Variants in RNF180 observed in about 807,000 individuals in gnomAD.
RNF180 encodes E3 ubiquitin-protein ligase RNF180.
In RNF180, 38 loss-of-function variants were observed where a neutral mutation model predicts 59.2. That is an observed-to-expected ratio of 0.64 (90% CI 0.50 to 0.84). The LOEUF (loss-of-function observed/expected upper bound fraction) is 0.84. Among genes scored for constraint, RNF180 ranks in the 40% least tolerant of loss-of-function variants. The pLI is 0.00. For missense variants in RNF180, 705 were observed against 700.9 expected (o/e 1.01, Z -0.07); for synonymous variants, 262 against 240.3 (o/e 1.09, Z -0.84).
intron 3 of RNF180, among the ~76,000 whole-genome samples, chr5:64,213,034 A>G (rs1389021652): frequency 2.6e-5 from 4 of 152,200 alleles, no homozygotes; most frequent in African/African-American, 9.6e-5. Context: ...TTAATTTCCA[A>G]TCTAAGCATA....
At chr5:64,290,739 C>T (rs1474173907) in intron 5 of RNF180, among the ~76,000 whole-genome samples, 1 of 152,152 alleles carries the variant, frequency 6.6e-6, no homozygotes, top group African/African-American at 2.4e-5. Flanking sequence ...AAAATTTCCT[C>T]CATCCCTTTA....
chr5:64,338,952 CTTAT>C lies in RNF180; in HGVS notation c.1579+8551_1579+8554del, dbSNP rs1210307668. On this transcript the variant is annotated intron_variant, in intron 7 of 7. Transcript: ENST00000389100. ...GCTAATATTTTGTCTCAGAATTTTA[CTTAT>C]TTATGAGTAAAATTGTATTTATTTT... 6.6e-5 allele frequency among the ~76,000 whole-genome samples: 10 copies of C among 152,162 alleles called. No homozygotes were observed. The East Asian group carries it at 1.2e-3, about 18-fold the overall frequency.
At chr5:64,365,173 G>A (rs541091946) in intron 7 of RNF180, among the ~76,000 whole-genome samples, 2 of 151,268 alleles carry the variant, frequency 1.3e-5, no homozygotes, top group Admixed American at 1.3e-4. Flanking sequence ...CTAACTTTTT[G>A]ATGTGGGTGT....
chr5:64,322,478 AAAAAGTCAAGAAAC>A (rs1479208345), intron 5 of RNF180, among the ~76,000 whole-genome samples: 1 of 152,126 alleles, frequency 6.6e-6, no homozygotes, highest in African/African-American at 2.4e-5. Context: ...GGCGATTATT[AAAAAGTCAAGAAAC>A]AATAGATGCT....
At position 64,370,947 on chromosome 5, in the gene RNF180, A is replaced by T. The variant is rs995072708; in HGVS notation, c.*1133A>T. 2 of 151,730 alleles carry T rather than the reference A, an allele frequency of 1.3e-5. No homozygotes were observed. Among genetic ancestry groups the T allele is most frequent in the Non-Finnish European group, 3.0e-5 (2 of 67,768 alleles). 9.4% of individuals were successfully genotyped at this position (151,730 alleles called of 1,614,324 possible). On this transcript the variant is annotated 3_prime_UTR_variant, in exon 8 of 8. Transcript: ENST00000389100. ...GGTAATTCAATAAGCAAACTTTTAC[A>T]TAAAATAGGTGACTCTCTCGTGGCA...
chr5:64,299,937 G>C (rs977255580), intron 5 of RNF180, among the ~76,000 whole-genome samples: 5 of 151,724 alleles, frequency 3.3e-5, no homozygotes, highest in African/African-American at 1.2e-4. Flanking sequence ...TCCTGCCCAG[G>C]ATGTGAATAA....
chr5:64,212,152 A>C lies in RNF180; in HGVS notation c.223A>C (p.Ile75Leu), dbSNP rs1752346283. ...CCTTCCAGAATGGATAAGCTGCCTA[A>C]TCCAAAAAGTAAGTTCTTAGTTTCT... ...EALPEWISCL[I>L]QKAQWTVGKL... is the part of the protein sequence containing the mutation. Residue 75 changes from isoleucine to leucine, a missense_variant, in exon 3 of 8, where the codon ATC (isoleucine) becomes CTC (leucine). Ile to Leu is a conservative substitution (Grantham distance 5). Coordinates refer to ENST00000389100, the MANE Select transcript of RNF180 (RefSeq NM_001113561.2). 2.6e-6 allele frequency: 4 copies of C among 1,564,118 alleles called. No individual in the cohort carries two copies. The highest frequency in any genetic ancestry group is 3.5e-6 in the Non-Finnish European group (4 of 1,134,882).
chr5:64,215,762 TTAATG>T (rs772507910), intron 4 of RNF180, among the ~76,000 whole-genome samples: 3 of 152,214 alleles, frequency 2.0e-5, no homozygotes, highest in South Asian at 2.1e-4. Flanking sequence ...TTCAAAATGA[TTAATG>T]TAATGTGGAG....
chr5:64,335,823 G>A (rs922894029), intron 7 of RNF180, among the ~76,000 whole-genome samples: 2 of 152,184 alleles, frequency 1.3e-5, no homozygotes. Context: ...CTTGGGAAAT[G>A]GGGTCCTATT....
intron 5 of RNF180, among the ~76,000 whole-genome samples, chr5:64,274,815 C>T (rs995130832): frequency 6.6e-6 from 1 of 151,990 alleles, no homozygotes. Flanking sequence ...ATTTTGACTC[C>T]TATATCTCTC....
At chr5:64,303,705 G>A (rs181359538) in intron 5 of RNF180, among the ~76,000 whole-genome samples, 154 of 151,744 alleles carry the variant, frequency 1.0e-3, no homozygotes, top group Admixed American at 1.6e-3. Context: ...TTTAAGGAAA[G>A]AAGCTGTCTC....
chr5:64,336,143 C>T (rs1745116233), intron 7 of RNF180, among the ~76,000 whole-genome samples: 2 of 152,150 alleles, frequency 1.3e-5, no homozygotes, highest in South Asian at 4.1e-4. Flanking sequence ...CTTCTTTCTA[C>T]TTCACTCTCA....
At chr5:64,234,279 A>G (rs1402936675) in intron 5 of RNF180, among the ~76,000 whole-genome samples, 1 of 152,084 alleles carries the variant, frequency 6.6e-6, no homozygotes, top group Non-Finnish European at 1.5e-5. Flanking sequence ...TGCCTGGCCA[A>G]CATGGCGAAA....
chr5:64,183,772 T>C (rs1227600760), intron 1 of RNF180, among the ~76,000 whole-genome samples: 2 of 152,226 alleles, frequency 1.3e-5, no homozygotes, highest in African/African-American at 4.8e-5. Context: ...TTTTGATGGA[T>C]AGTTTCATAA....
At chr5:64,222,969 T>C (rs1741443970) in intron 5 of RNF180, among the ~76,000 whole-genome samples, 1 of 152,250 alleles carries the variant, frequency 6.6e-6, no homozygotes. Context: ...CACACTTACA[T>C]ATCCCTTACA....
At chr5:64,256,990 T>G (rs553999968) in intron 5 of RNF180, among the ~76,000 whole-genome samples, 1 of 152,338 alleles carries the variant, frequency 6.6e-6, no homozygotes, top group South Asian at 2.1e-4. Flanking sequence ...CACTCCTGAT[T>G]TGGCTCTCTG....
intron 2 of RNF180, among the ~76,000 whole-genome samples, chr5:64,210,015 G>A: frequency 6.6e-6 from 1 of 152,092 alleles, no homozygotes; most frequent in East Asian, 1.9e-4. Context: ...AGAAAAGCTA[G>A]TCATGACTGA....
chr5:64,345,598 A>C (rs1456845688), intron 7 of RNF180, among the ~76,000 whole-genome samples: 1 of 152,206 alleles, frequency 6.6e-6, no homozygotes, highest in African/African-American at 2.4e-5. Context: ...AATTTTCCAC[A>C]ATGTTCAGAT....
intron 7 of RNF180, among the ~76,000 whole-genome samples, chr5:64,357,469 C>T (rs116384957): frequency 1.1e-3 from 165 of 151,874 alleles, no homozygotes; most frequent in Non-Finnish European, 1.8e-3. Context: ...TCTGAATTAG[C>T]CTCTAAAGAA....
Sources: allele counts gnomAD v4.1 joint callset (sites outside exome capture counted in the v4.1 genomes callset), GRCh38; gene constraint gnomAD v4.1.1; transcripts MANE v1.5; gene names NCBI Gene and HGNC (gene_info 2026-07-23, HGNC 2026-07-21).